KCNIP4: variants seen among roughly 807,000 people sequenced by gnomAD.
The protein encoded by KCNIP4 is Kv channel-interacting protein 4.
KCNIP4 carries 12 observed loss-of-function variants against 34.0 expected under a neutral mutation model. The observed-to-expected ratio is 0.35, with a 90% CI of 0.23 to 0.57. The LOEUF (loss-of-function observed/expected upper bound fraction) is 0.57. Ranked by LOEUF, KCNIP4 falls within the 20% of genes least tolerant of loss-of-function variation. The pLI, the probability that KCNIP4 is intolerant of heterozygous loss-of-function variation, is 0.83. For missense variants in KCNIP4, 238 were observed against 311.7 expected, an observed-to-expected ratio of 0.76 and a Z score of 1.78; for synonymous variants, 124 against 102.2, an observed-to-expected ratio of 1.21 and a Z score of -1.29.
intron 1 of KCNIP4, among the ~76,000 whole-genome samples, chr4:21,556,930 A>AAAAAAAAAAAAAAAACC (rs1553903108): frequency 9.2e-6 from 1 of 108,192 alleles, no homozygotes; most frequent in African/African-American, 3.2e-5. Context: ...CAGAAAAAAA[A>AAAAAAAAAAAAAAAACC]AAAAAAAAAA....
At chr4:21,542,021 A>G (rs182651688) in intron 1 of KCNIP4, among the ~76,000 whole-genome samples, 126 of 152,314 alleles carry the variant, frequency 8.3e-4, no homozygotes, top group African/African-American at 2.9e-3. Flanking sequence ...CAAGTTTTCT[A>G]TGGCACGCTT....
At chr4:21,943,544 G>T (rs993155743) in intron 1 of KCNIP4, among the ~76,000 whole-genome samples, 28 of 152,056 alleles carry the variant, frequency 1.8e-4, no homozygotes, top group African/African-American at 6.7e-4. Context: ...TGATTCAAAA[G>T]AAAAGAAAGA....
chr4:21,519,662 A>ACACG (rs1735270857), intron 1 of KCNIP4, among the ~76,000 whole-genome samples: 1 of 143,558 alleles, frequency 7.0e-6, no homozygotes. Flanking sequence ...ATGTGTATAT[A>ACACG]TACACGTGTG....
intron 1 of KCNIP4, among the ~76,000 whole-genome samples, chr4:21,376,999 T>C (rs552127080): frequency 6.6e-6 from 1 of 152,208 alleles, no homozygotes; most frequent in East Asian, 1.9e-4. Flanking sequence ...TATTTCCAGA[T>C]AGGAAGGCAT....
intron 3 of KCNIP4, among the ~76,000 whole-genome samples, chr4:20,793,254 A>G (rs771999882): frequency 1.2e-4 from 19 of 152,190 alleles, no homozygotes; most frequent in South Asian, 8.3e-4. Context: ...GAAATGAACA[A>G]CAGTGATACA....
intron 1 of KCNIP4, among the ~76,000 whole-genome samples, chr4:21,874,538 A>G (rs1725989370): frequency 6.6e-6 from 1 of 152,192 alleles, no homozygotes; most frequent in African/African-American, 2.4e-5. Context: ...AACTCCTATC[A>G]GGAGGTATTT....
chr4:20,998,091 G>T (rs2149714082), intron 1 of KCNIP4, among the ~76,000 whole-genome samples: 1 of 152,290 alleles, frequency 6.6e-6, no homozygotes, highest in Non-Finnish European at 1.5e-5. Flanking sequence ...TAATTGAAGT[G>T]ACAGTAGTGA....
At chr4:21,301,675 T>C (rs1184548392) in intron 1 of KCNIP4, among the ~76,000 whole-genome samples, 1 of 152,186 alleles carries the variant, frequency 6.6e-6, no homozygotes, top group Non-Finnish European at 1.5e-5. Context: ...AGATGCTAGC[T>C]TGATAATAAA....
chr4:21,150,526 G>A (rs1490815447), intron 1 of KCNIP4, among the ~76,000 whole-genome samples: 1 of 152,214 alleles, frequency 6.6e-6, no homozygotes, highest in East Asian at 1.9e-4. Flanking sequence ...TGTCTTAGAG[G>A]AGGGAGTGAT....
At chr4:21,266,035 A>T (rs1160980617) in intron 1 of KCNIP4, among the ~76,000 whole-genome samples, 1 of 152,210 alleles carries the variant, frequency 6.6e-6, no homozygotes, top group African/African-American at 2.4e-5. Context: ...TAATTCAATA[A>T]GGTAGGTACT....
chr4:20,861,970 G>GTTA (rs57269885), intron 2 of KCNIP4, among the ~76,000 whole-genome samples: 19,355 of 141,936 alleles, frequency 0.14, 1,487 homozygotes, highest in African/African-American at 0.2. Flanking sequence ...TATGGTAGGA[G>GTTA]TTATTATTAT....
intron 2 of KCNIP4, among the ~76,000 whole-genome samples, chr4:20,863,967 TATAC>T (rs1264261639): frequency 6.7e-6 from 1 of 149,930 alleles, no homozygotes; most frequent in Non-Finnish European, 1.5e-5. Flanking sequence ...CACACATACA[TATAC>T]ATATATACAT....
Position 20,810,930 on chromosome 4 carries a change from G to A in KCNIP4, c.288+39613C>T, listed in dbSNP as rs139527134. Among the ~76,000 whole-genome samples, 1,029 of 152,218 alleles carry A rather than the reference G, an allele frequency of 6.8e-3. 8 individuals carry two copies. The highest frequency in any genetic ancestry group is 0.023 in the African/African-American group (970 of 41,538). On this transcript the variant is annotated intron_variant, in intron 3 of 8. Transcript: ENST00000382152. Reference sequence around the variant, plus strand: ...ATGCCTTCAGGGATTTGGGAAGTTAGCGTACTGGGACAGAGGCATTGATGA... The same window carrying A: ...ATGCCTTCAGGGATTTGGGAAGTTAACGTACTGGGACAGAGGCATTGATGA...
At chr4:21,172,617 G>C (rs897652609) in intron 1 of KCNIP4, among the ~76,000 whole-genome samples, 1 of 152,070 alleles carries the variant, frequency 6.6e-6, no homozygotes, top group African/African-American at 2.4e-5. Flanking sequence ...TGTTGTCCTG[G>C]CACAGCATGC....
chr4:21,299,338 T>A (rs560847031), intron 1 of KCNIP4, among the ~76,000 whole-genome samples: 1 of 152,118 alleles, frequency 6.6e-6, no homozygotes, highest in Non-Finnish European at 1.5e-5. Context: ...TAAATAACTT[T>A]AGATCCTCTG....
At chr4:21,871,058 C>G (rs1400646747) in intron 1 of KCNIP4, among the ~76,000 whole-genome samples, 1 of 151,250 alleles carries the variant, frequency 6.6e-6, no homozygotes, top group Non-Finnish European at 1.5e-5. Context: ...TCAGGATCCT[C>G]TGAGTCCAAT....
chr4:20,839,341 T>A (rs546271566), intron 3 of KCNIP4, among the ~76,000 whole-genome samples: 4 of 152,074 alleles, frequency 2.6e-5, no homozygotes, highest in South Asian at 2.1e-4. Context: ...GATATAGATA[T>A]ACATAGTTTT....
chr4:21,788,918 C>A (rs1157979305), intron 1 of KCNIP4, among the ~76,000 whole-genome samples: 1 of 151,802 alleles, frequency 6.6e-6, no homozygotes, highest in Non-Finnish European at 1.5e-5. Flanking sequence ...ACTAAAAATA[C>A]AACAATTAGC....
intron 2 of KCNIP4, among the ~76,000 whole-genome samples, chr4:20,858,038 C>G (rs1375882069): frequency 6.6e-6 from 1 of 151,592 alleles, no homozygotes; most frequent in Non-Finnish European, 1.5e-5. Context: ...CAAAACCCCC[C>G]ATCTCTACTA....
Sources: allele counts gnomAD v4.1 joint callset (sites outside exome capture counted in the v4.1 genomes callset), GRCh38; gene constraint gnomAD v4.1.1; transcripts MANE v1.5; gene names NCBI Gene and HGNC (gene_info 2026-07-23, HGNC 2026-07-21).